Variants in PDE10A observed in about 807,000 individuals in gnomAD.
PDE10A encodes phosphodiesterase 10A, also known as cAMP and cAMP-inhibited cGMP 3',5'-cyclic phosphodiesterase 10A.
In PDE10A, 39 loss-of-function variants were observed where a neutral mutation model predicts 97.7. The observed-to-expected ratio is 0.40, with a 90% confidence interval of 0.31 to 0.52. The LOEUF (loss-of-function observed/expected upper bound fraction) is 0.52. PDE10A is among the 20% of genes least tolerant of loss of function. PDE10A has a pLI of 0.56. For missense variants in PDE10A, 731 were observed against 1,047.8 expected (o/e 0.70, Z 4.17); for synonymous variants, 371 against 376.8 (o/e 0.98, Z 0.18).
chr6:165,653,641 C>G (rs1789794365), intron 1 of PDE10A, among the ~76,000 whole-genome samples: 1 of 152,212 alleles, frequency 6.6e-6, no homozygotes, highest in South Asian at 2.1e-4. Flanking sequence ...ACCAGCGGCT[C>G]TCCAGAACGC....
chr6:165,767,957 G>C (rs1777907620), intron 1 of PDE10A, among the ~76,000 whole-genome samples: 1 of 151,832 alleles, frequency 6.6e-6, no homozygotes. Context: ...CGTTTTTTGT[G>C]TTTTTTTTAA....
At chr6:165,799,927 T>C (rs7747967) in intron 1 of PDE10A, among the ~76,000 whole-genome samples, 69,139 of 152,058 alleles carry the variant, frequency 0.45, 15,872 homozygotes, top group East Asian at 0.57. Flanking sequence ...ATCTGGATAG[T>C]GTGGGCCTGC....
At chr6:165,751,590 C>T (rs758934765) in intron 1 of PDE10A, among the ~76,000 whole-genome samples, 4 of 152,104 alleles carry the variant, frequency 2.6e-5, no homozygotes, top group African/African-American at 4.8e-5. Context: ...CTTTTCTGGT[C>T]ACAACCCTGC....
intron 2 of PDE10A, among the ~76,000 whole-genome samples, chr6:165,539,378 T>C (rs540018543): frequency 6.6e-6 from 1 of 152,348 alleles, no homozygotes; most frequent in Non-Finnish European, 1.5e-5. Context: ...AACCTCCTTC[T>C]ACCTGTCAAA....
intron 1 of PDE10A, among the ~76,000 whole-genome samples, chr6:165,745,366 T>C (rs1443206430): frequency 6.6e-6 from 1 of 152,250 alleles, no homozygotes; most frequent in Non-Finnish European, 1.5e-5. Context: ...GTATTGGTTT[T>C]CATGGTACAA....
chr6:165,714,339 G>C (rs558291142), intron 1 of PDE10A, among the ~76,000 whole-genome samples: 3 of 152,336 alleles, frequency 2.0e-5, no homozygotes, highest in East Asian at 1.9e-4. Flanking sequence ...AGGAGTCACA[G>C]GTTTGCCGTT....
At chr6:165,715,237 C>T (rs1048759486) in intron 1 of PDE10A, among the ~76,000 whole-genome samples, 1 of 152,232 alleles carries the variant, frequency 6.6e-6, no homozygotes, top group Non-Finnish European at 1.5e-5. Flanking sequence ...TAGGGACATA[C>T]AGGTGACACA....
chr6:165,616,979 A>G (rs963799729), intron 1 of PDE10A, among the ~76,000 whole-genome samples: 1 of 152,224 alleles, frequency 6.6e-6, no homozygotes, highest in Admixed American at 6.5e-5. Flanking sequence ...TATTTACTGG[A>G]TGTTCCAGAA....
chr6:165,694,185 T>C (rs1054079481), intron 1 of PDE10A, among the ~76,000 whole-genome samples: 1 of 152,208 alleles, frequency 6.6e-6, no homozygotes, highest in African/African-American at 2.4e-5. Flanking sequence ...CATCATAAGT[T>C]AATTAGATGC....
At chr6:165,956,101 T>C (rs1003008599) in intron 1 of PDE10A, among the ~76,000 whole-genome samples, 3 of 152,242 alleles carry the variant, frequency 2.0e-5, no homozygotes, top group Admixed American at 2.0e-4. Context: ...TACTATTAGA[T>C]TTTTTAAAAA....
chr6:165,759,743 A>G (rs1226346194), intron 1 of PDE10A, among the ~76,000 whole-genome samples: 2 of 152,186 alleles, frequency 1.3e-5, no homozygotes, highest in African/African-American at 2.4e-5. Flanking sequence ...AGCTAATCCA[A>G]CCTCCTCAGT....
intron 1 of PDE10A, among the ~76,000 whole-genome samples, chr6:165,659,039 C>T (rs867413245): frequency 1.3e-5 from 2 of 152,186 alleles, no homozygotes; most frequent in South Asian, 2.1e-4. Flanking sequence ...GTCCTGGGTC[C>T]TGGCGGTAGC....
chr6:165,506,944 T>C (rs1332409284), intron 2 of PDE10A, among the ~76,000 whole-genome samples: 1 of 152,160 alleles, frequency 6.6e-6, no homozygotes, highest in Non-Finnish European at 1.5e-5. Flanking sequence ...TTCTAATCAG[T>C]AATCATCAGC....
chr6:165,608,108 G>GTA (rs746738828), intron 1 of PDE10A, among the ~76,000 whole-genome samples: 2,000 of 144,620 alleles, frequency 0.014, 21 homozygotes, highest in African/African-American at 0.035. Context: ...ATATATACAT[G>GTA]TATATATATA....
At chr6:165,964,543 G>C (rs1038883277) in intron 1 of PDE10A, among the ~76,000 whole-genome samples, 2 of 152,200 alleles carry the variant, frequency 1.3e-5, no homozygotes, top group African/African-American at 4.8e-5. Context: ...AGGGATGCTA[G>C]TGGAATTTAC....
chr6:165,840,878 C>G (rs1378424974), intron 1 of PDE10A, among the ~76,000 whole-genome samples: 1 of 152,194 alleles, frequency 6.6e-6, no homozygotes. Flanking sequence ...TCTTTTCACT[C>G]CCCAGCAAGG....
chr6:165,493,367 C>T (rs1335832568), intron 2 of PDE10A, among the ~76,000 whole-genome samples: 1 of 152,032 alleles, frequency 6.6e-6, no homozygotes, highest in Admixed American at 6.6e-5. Flanking sequence ...AAAAAAGAGC[C>T]TGCATAGCCA....
At chr6:165,912,109 A>G (rs1724732488) in intron 1 of PDE10A, among the ~76,000 whole-genome samples, 3 of 151,842 alleles carry the variant, frequency 2.0e-5, no homozygotes, top group Admixed American at 1.3e-4. Flanking sequence ...TCTATTATTT[A>G]TCATCTATCT....
At chr6:165,458,047 A>C (rs1322435596) in intron 3 of PDE10A, among the ~76,000 whole-genome samples, 1 of 152,232 alleles carries the variant, frequency 6.6e-6, no homozygotes, top group Non-Finnish European at 1.5e-5. Context: ...TAAATATTTA[A>C]CAGCATAAAA....
Sources: gnomAD v4.1 joint callset for allele counts (sites outside exome capture counted in the v4.1 genomes callset) on GRCh38, gnomAD v4.1.1 for gene constraint, MANE v1.5 for transcripts, NCBI Gene and HGNC (gene_info 2026-07-23, HGNC 2026-07-21) for gene names.